GNAQ: variants seen among roughly 807,000 people sequenced by gnomAD.
GNAQ encodes the protein G protein subunit alpha q.
In GNAQ, 8 loss-of-function variants were observed where a neutral mutation model predicts 43.9. The ratio of observed to expected loss-of-function variants is 0.18; its 90% CI spans 0.11 to 0.33. The LOEUF (loss-of-function observed/expected upper bound fraction) is 0.33, where lower values mean the gene tolerates loss of function less well. Among genes scored for constraint, GNAQ ranks in the 10% least tolerant of loss-of-function variants. The pLI is 1.00. For missense variants in GNAQ, 158 were observed against 450.8 expected (o/e 0.35, Z 5.88); for synonymous variants, 155 against 170.7 (o/e 0.91, Z 0.71).
At chr9:77,935,393 A>C (rs947383279) in intron 1 of GNAQ, among the ~76,000 whole-genome samples, 2 of 152,206 alleles carry the variant, frequency 1.3e-5, no homozygotes, top group Non-Finnish European at 2.9e-5. Context: ...CAACTACGTC[A>C]TAAAGAGATG....
Position 77,721,519 on chromosome 9 carries a change from G to A in GNAQ, c.890-6C>T, listed in dbSNP as rs766188046. On this transcript the variant is annotated splice_region_variant and splice_polypyrimidine_tract_variant and intron_variant, in intron 6 of 6. Transcript: ENST00000286548. ...CTGGGCATCTCTCTGGGGTCCTTTC[G>A]GCCAAGAGACAAGAGGGACACTTTG... 30 of 1,584,604 alleles carry A rather than the reference G, an allele frequency of 1.9e-5. No homozygotes were observed. The Admixed American group carries it at 3.1e-4, about 16-fold the overall frequency.
intron 2 of GNAQ, among the ~76,000 whole-genome samples, chr9:77,820,823 C>G (rs1827101506): frequency 1.3e-5 from 2 of 152,196 alleles, no homozygotes; most frequent in South Asian, 4.1e-4. Context: ...AGTCACTCAA[C>G]CTTCCTGAAC....
At position 77,797,668 on chromosome 9, in the gene GNAQ, A is replaced by G; in HGVS notation, c.477-20T>C. ...AGATAGCTAGAGGAGGGAAGACACA[A>G]TGAGAATGTCAGTGACACCATCACA... is the stretch of plus-strand genomic sequence containing the variant. On this transcript the variant is annotated intron_variant, in intron 3 of 6. Transcript: ENST00000286548. The G allele has an allele frequency of 6.2e-7, 1 of 1,611,110 alleles. No individual in the cohort carries two copies. Among genetic ancestry groups the G allele is most frequent in the Non-Finnish European group, 8.5e-7 (1 of 1,178,036 alleles).
At chr9:77,749,133 A>G (rs913974554) in intron 5 of GNAQ, among the ~76,000 whole-genome samples, 1 of 152,064 alleles carries the variant, frequency 6.6e-6, no homozygotes, top group African/African-American at 2.4e-5. Flanking sequence ...TTCACTCTTC[A>G]CTGCCGCCAG....
At chr9:77,737,560 A>G (rs980156685) in intron 5 of GNAQ, among the ~76,000 whole-genome samples, 13 of 152,228 alleles carry the variant, frequency 8.5e-5, no homozygotes, top group African/African-American at 2.9e-4. Flanking sequence ...ATTTACCTTC[A>G]CACTTTAGTC....
At chr9:77,982,825 A>T (rs77448267) in intron 1 of GNAQ, among the ~76,000 whole-genome samples, 12,567 of 151,390 alleles carry the variant, frequency 0.083, 660 homozygotes, top group African/African-American at 0.15. Flanking sequence ...AGGGATAGTA[A>T]TGGGAGATAT....
chr9:77,815,807 T>TA lies in GNAQ; in HGVS notation c.322-38dup, dbSNP rs766415563. 2.7e-6 allele frequency: 4 copies of TA among 1,503,608 alleles called. No individual in the cohort carries two copies. In the African/African-American group the frequency reaches 5.6e-5, roughly 21 times the overall value. The allele number at this position is 1,503,608 out of a possible 1,614,324, so 93.1% of individuals were successfully genotyped here. A position where few individuals can be genotyped will look rare whatever the true frequency, so the allele number is the denominator to read the frequency against. ...AAAAAAGGCAGTTTTAATACCCTAT[T>TA]ACTTTCCAAATTTTCTTTGCTTTGC... is the stretch of plus-strand genomic sequence containing the variant. On this transcript the variant is annotated intron_variant, in intron 2 of 6. Coordinates refer to ENST00000286548, the MANE Select transcript of GNAQ (RefSeq NM_002072.5).
chr9:77,925,404 A>G (rs1323656451), intron 1 of GNAQ, among the ~76,000 whole-genome samples: 1 of 152,166 alleles, frequency 6.6e-6, no homozygotes, highest in Admixed American at 6.5e-5. Flanking sequence ...TCTGGGCATG[A>G]TTTTCACAAT....
At chr9:77,862,371 T>G (rs1046470032) in intron 2 of GNAQ, among the ~76,000 whole-genome samples, 10 of 152,310 alleles carry the variant, frequency 6.6e-5, no homozygotes, top group African/African-American at 1.9e-4. Context: ...GGCATTTCCA[T>G]ACATCCTCTG....
At chr9:77,942,573 T>C (rs996258954) in intron 1 of GNAQ, among the ~76,000 whole-genome samples, 12 of 152,038 alleles carry the variant, frequency 7.9e-5, no homozygotes, top group Non-Finnish European at 1.8e-4. Context: ...AAACAAAAAA[T>C]AATAAGGCAT....
chr9:77,940,942 C>T (rs1183585546), intron 1 of GNAQ, among the ~76,000 whole-genome samples: 5 of 149,812 alleles, frequency 3.3e-5, no homozygotes, highest in African/African-American at 7.4e-5. Context: ...CCAGCCTGGG[C>T]GACAGAGCGA....
intron 1 of GNAQ, among the ~76,000 whole-genome samples, chr9:77,993,439 C>T (rs1406002067): frequency 1.3e-5 from 2 of 152,128 alleles, no homozygotes; most frequent in East Asian, 1.9e-4. Flanking sequence ...TGGCTCACGC[C>T]TGTAATCCCA....
At chr9:77,829,566 C>T (rs969560628) in intron 2 of GNAQ, among the ~76,000 whole-genome samples, 3 of 152,164 alleles carry the variant, frequency 2.0e-5, no homozygotes, top group Non-Finnish European at 2.9e-5. Flanking sequence ...GCAATGACTG[C>T]GGCTTGAAGC....
intron 2 of GNAQ, among the ~76,000 whole-genome samples, chr9:77,916,297 T>C (rs1014832388): frequency 1.3e-5 from 2 of 152,212 alleles, no homozygotes; most frequent in Non-Finnish European, 2.9e-5. Context: ...TCTGCCTCTA[T>C]TATGTATTTA....
At chr9:78,000,724 G>T (rs186606123) in intron 1 of GNAQ, among the ~76,000 whole-genome samples, 1 of 152,064 alleles carries the variant, frequency 6.6e-6, no homozygotes, top group Non-Finnish European at 1.5e-5. Flanking sequence ...AACTGTAAAC[G>T]CCTGCTCAGA....
chr9:77,745,759 T>TA, intron 5 of GNAQ, among the ~76,000 whole-genome samples: 1 of 149,168 alleles, frequency 6.7e-6, no homozygotes, highest in Non-Finnish European at 1.5e-5. Context: ...TTCAGAAAAA[T>TA]AAAAAAAGAA....
intron 1 of GNAQ, among the ~76,000 whole-genome samples, chr9:78,011,751 T>G (rs1177060786): frequency 3.3e-5 from 5 of 152,134 alleles, no homozygotes; most frequent in African/African-American, 1.2e-4. Flanking sequence ...GACAAGAGAT[T>G]TGGGCAAACC....
At chr9:77,932,490 A>C (rs2118311441) in intron 1 of GNAQ, among the ~76,000 whole-genome samples, 1 of 152,324 alleles carries the variant, frequency 6.6e-6, no homozygotes, top group East Asian at 1.9e-4. Context: ...ATACCCTCTT[A>C]AGAAGGTACA....
At chr9:77,940,090 C>T (rs1047116264) in intron 1 of GNAQ, among the ~76,000 whole-genome samples, 1 of 151,912 alleles carries the variant, frequency 6.6e-6, no homozygotes, top group Non-Finnish European at 1.5e-5. Context: ...TACATATGAT[C>T]CTATTAAAAG....
Sources: allele counts gnomAD v4.1 joint callset (sites outside exome capture counted in the v4.1 genomes callset), GRCh38; gene constraint gnomAD v4.1.1; transcripts MANE v1.5; gene names NCBI Gene and HGNC (gene_info 2026-07-23, HGNC 2026-07-21).